The following ZNF682 variants were observed in gnomAD, a reference collection of about 807,000 sequenced individuals.
ZNF682 encodes zinc finger protein 682.
A neutral mutation model predicts 36.5 loss-of-function variants in ZNF682; 29 were observed. The observed-to-expected ratio is 0.80, with a 90% CI of 0.59 to 1.08. ZNF682 has a LOEUF of 1.08. ZNF682 is among the 50% of genes least tolerant of loss of function. The pLI, the probability that ZNF682 is intolerant of heterozygous loss-of-function variation, is 0.00. For synonymous variants in ZNF682, 180 were observed against 197.0 expected, an observed-to-expected ratio of 0.91 and a Z score of 0.72; for missense variants, 561 against 579.7, an observed-to-expected ratio of 0.97 and a Z score of 0.33.
At chr19:20,025,356 C>T (rs1032907713) in intron 1 of ZNF682, among the ~76,000 whole-genome samples, 1 of 152,118 alleles carries the variant, frequency 6.6e-6, no homozygotes, top group Non-Finnish European at 1.5e-5. Flanking sequence ...AAATCTGTCA[C>T]AGAGAGCCTT....
intron 1 of ZNF682, among the ~76,000 whole-genome samples, chr19:20,038,608 T>C (rs1024434906): frequency 2.1e-4 from 14 of 67,478 alleles, no homozygotes; most frequent in African/African-American, 7.2e-4. Flanking sequence ...CCTGAGTTCC[T>C]ACATTAAAAA....
downstream of ZNF682, among the ~76,000 whole-genome samples, chr19:19,996,599 T>C (rs1292713586): frequency 6.6e-6 from 1 of 152,176 alleles, no homozygotes; most frequent in African/African-American, 2.4e-5. Flanking sequence ...CCAAACATCA[T>C]GTATTCTCAT....
downstream of ZNF682, among the ~76,000 whole-genome samples, chr19:20,003,704 C>CAA (rs200490998): frequency 3.0e-5 from 3 of 98,494 alleles, no homozygotes; most frequent in African/African-American, 1.1e-4. Context: ...GACTCCGTCT[C>CAA]AAAAAAAAAA....
rs1163512523 is a variant in ZNF682 at position 20,006,318 on chromosome 19, T to C, written c.1184A>G (p.Lys395Arg). The C allele has an allele frequency of 6.2e-7, 1 of 1,613,532 alleles. No homozygotes were observed. The highest frequency in any genetic ancestry group is 8.5e-7 in the Non-Finnish European group (1 of 1,180,004). The change falls in exon 4 of 4, where the codon AAA becomes AGA. Residue 395 changes from lysine (K) to arginine (R), a missense_variant. Physicochemically the swap from Lys to Arg is conservative, Grantham distance 26. Coordinates refer to ENST00000397165, the MANE Select transcript of ZNF682 (RefSeq NM_033196.3). Reference protein sequence around the residue: ...TKHKRIHTGEKPYKCEECGKA... With the variant: ...TKHKRIHTGERPYKCEECGKA... ...GCCACATTCTTCACATTTGTAGGGT[T>C]TCTCTCCAGTGTGAATTCTCTTGTG... is the stretch of plus-strand genomic sequence containing the variant.
chr19:20,000,305 A>G (rs1487788079), downstream of ZNF682, among the ~76,000 whole-genome samples: 3 of 152,222 alleles, frequency 2.0e-5, no homozygotes, highest in Admixed American at 2.0e-4. Flanking sequence ...TCAAGAGAGT[A>G]ACATGCTCTT....
intron 3 of ZNF682, among the ~76,000 whole-genome samples, chr19:20,011,101 AGGGAAAAAGTAAC>A (rs2088283793): frequency 6.6e-6 from 1 of 152,208 alleles, no homozygotes; most frequent in African/African-American, 2.4e-5. Context: ...CTCAAAGTAA[AGGGAAAAAGTAAC>A]ATCTATCACA....
chr19:20,002,160 G>A (rs151164023), downstream of ZNF682, among the ~76,000 whole-genome samples: 464 of 152,192 alleles, frequency 3.0e-3, 1 homozygote, highest in African/African-American at 0.011. Flanking sequence ...TTGGCTCACT[G>A]CAACTTCTGC....
chr19:20,028,903 G>A (rs1039768626), intron 1 of ZNF682, among the ~76,000 whole-genome samples: 2 of 151,998 alleles, frequency 1.3e-5, no homozygotes, highest in Non-Finnish European at 1.5e-5. Flanking sequence ...CCTGGGAGGT[G>A]GGTACTAACT....
At chr19:20,009,697 G>C (rs1568539121) in intron 3 of ZNF682, among the ~76,000 whole-genome samples, 1 of 152,122 alleles carries the variant, frequency 6.6e-6, no homozygotes, top group South Asian at 2.1e-4. Context: ...CTTACAATCT[G>C]GAAGATATTA....
chr19:20,028,636 T>C (rs1052485885), intron 1 of ZNF682, among the ~76,000 whole-genome samples: 1 of 152,164 alleles, frequency 6.6e-6, no homozygotes, highest in Non-Finnish European at 1.5e-5. Flanking sequence ...CAGTCCCTTA[T>C]ACCTACACTC....
At chr19:20,016,412 A>G (rs1051176175) in intron 3 of ZNF682, among the ~76,000 whole-genome samples, 1 of 152,206 alleles carries the variant, frequency 6.6e-6, no homozygotes, top group Non-Finnish European at 1.5e-5. Flanking sequence ...AAACATGTTC[A>G]ATGAGCAAAA....
chr19:20,019,815 C>CT (rs1568542627), intron 3 of ZNF682, among the ~76,000 whole-genome samples: 1 of 152,056 alleles, frequency 6.6e-6, no homozygotes, highest in South Asian at 2.1e-4. Flanking sequence ...TCAAGAGACA[C>CT]TTATATTTTT....
chr19:20,011,679 C>T (rs1243390068), intron 3 of ZNF682, among the ~76,000 whole-genome samples: 1 of 152,138 alleles, frequency 6.6e-6, no homozygotes, highest in Non-Finnish European at 1.5e-5. Context: ...AAACTTGTTC[C>T]TGAATGACTT....
intron 1 of ZNF682, among the ~76,000 whole-genome samples, chr19:20,032,941 T>C (rs545964276): frequency 6.6e-6 from 1 of 152,276 alleles, no homozygotes; most frequent in East Asian, 1.9e-4. Context: ...CAAATTCAGG[T>C]ACTTGCTGAA....
intron 3 of ZNF682, among the ~76,000 whole-genome samples, chr19:20,010,252 C>T (rs550840803): frequency 6.6e-6 from 1 of 152,210 alleles, no homozygotes; most frequent in East Asian, 1.9e-4. Context: ...GTACATAGCC[C>T]ACAGACCCTA....
At chr19:20,033,127 C>G (rs530667889) in intron 1 of ZNF682, among the ~76,000 whole-genome samples, 2 of 151,950 alleles carry the variant, frequency 1.3e-5, no homozygotes, top group African/African-American at 4.8e-5. Flanking sequence ...ATTAGCCAGG[C>G]GTTGTGGTGG....
chr19:20,010,707 C>T (rs2088277961), intron 3 of ZNF682, among the ~76,000 whole-genome samples: 1 of 151,976 alleles, frequency 6.6e-6, no homozygotes, highest in African/African-American at 2.4e-5. Flanking sequence ...TGGCTCACCC[C>T]TGTAATCCTA....
Position 20,005,988 on chromosome 19 carries a change from C to T in ZNF682, c.*17G>A, listed in dbSNP as rs77200511. ...CACATTCTTTACATTTGTAGGATTT[C>T]TCTTTAGTAAAAATTCTTACGTAGT... On this transcript the variant is annotated 3_prime_UTR_variant, in exon 4 of 4. Coordinates refer to ENST00000397165, the MANE Select transcript of ZNF682 (RefSeq NM_033196.3). The T allele has an allele frequency of 1.3e-6, 2 of 1,554,850 alleles. No individual in the cohort carries two copies. Among genetic ancestry groups the T allele is most frequent in the Non-Finnish European group, 1.7e-6 (2 of 1,153,202 alleles).
intron 1 of ZNF682, among the ~76,000 whole-genome samples, chr19:20,030,212 G>A (rs528169072): frequency 6.6e-6 from 1 of 152,136 alleles, no homozygotes; most frequent in Non-Finnish European, 1.5e-5. Context: ...AATGCATAGT[G>A]TTTTCTAGGA....
Sources: gnomAD v4.1 joint callset for allele counts (sites outside exome capture counted in the v4.1 genomes callset) on GRCh38, gnomAD v4.1.1 for gene constraint, MANE v1.5 for transcripts, NCBI Gene and HGNC (gene_info 2026-07-23, HGNC 2026-07-21) for gene names.